Variants in CDH12 observed in about 807,000 individuals in gnomAD.
The protein encoded by CDH12 is cadherin 12.
Under a neutral mutation model 74.1 loss-of-function variants are expected in CDH12, and 41 were observed. That is an observed-to-expected ratio of 0.55 (90% CI 0.43 to 0.72). The LOEUF is 0.72. Ranked by LOEUF, CDH12 falls within the 30% of genes least tolerant of loss-of-function variation. CDH12 has a pLI of 0.00. For synonymous variants in CDH12, 399 were observed against 355.0 expected, an observed-to-expected ratio of 1.12 and a Z score of -1.39; for missense variants, 945 against 977.2, an observed-to-expected ratio of 0.97 and a Z score of 0.44.
intron 3 of CDH12, among the ~76,000 whole-genome samples, chr5:22,238,803 A>T (rs537404337): frequency 1.3e-5 from 2 of 152,340 alleles, no homozygotes; most frequent in South Asian, 4.1e-4. Context: ...AATCACATGT[A>T]TATGGCCATC....
intron 1 of CDH12, among the ~76,000 whole-genome samples, chr5:22,551,847 C>A (rs1738587870): frequency 6.6e-6 from 1 of 152,076 alleles, no homozygotes; most frequent in Non-Finnish European, 1.5e-5. Context: ...AAAATTATAA[C>A]AACAAAAACA....
chr5:22,084,677 A>C (rs1336764451), intron 4 of CDH12, among the ~76,000 whole-genome samples: 1 of 152,132 alleles, frequency 6.6e-6, no homozygotes, highest in Non-Finnish European at 1.5e-5. Flanking sequence ...AGATGAACCA[A>C]TGTTATTTTC....
At chr5:22,392,733 A>G (rs543417720) in intron 3 of CDH12, among the ~76,000 whole-genome samples, 1 of 152,320 alleles carries the variant, frequency 6.6e-6, no homozygotes, top group Non-Finnish European at 1.5e-5. Flanking sequence ...GGAAAGTACA[A>G]AGCAGAGTTA....
chr5:22,496,518 C>T (rs1747109421), intron 2 of CDH12, among the ~76,000 whole-genome samples: 2 of 152,264 alleles, frequency 1.3e-5, no homozygotes, highest in Non-Finnish European at 2.9e-5. Flanking sequence ...TAAAATAGCA[C>T]AAAAATTCCA....
intron 3 of CDH12, among the ~76,000 whole-genome samples, chr5:22,335,883 C>A (rs189285204): frequency 6.6e-6 from 1 of 152,260 alleles, no homozygotes; most frequent in East Asian, 1.9e-4. Flanking sequence ...CACTTTGGAA[C>A]TGGGTAACAG....
At chr5:21,877,761 C>T (rs1203702620) in intron 6 of CDH12, among the ~76,000 whole-genome samples, 2 of 152,164 alleles carry the variant, frequency 1.3e-5, no homozygotes, top group African/African-American at 4.8e-5. Context: ...CAATTATTAG[C>T]ATTTTGGCAA....
chr5:22,397,529 T>C (rs1213668165), intron 3 of CDH12, among the ~76,000 whole-genome samples: 1 of 151,626 alleles, frequency 6.6e-6, no homozygotes, highest in Admixed American at 6.6e-5. Flanking sequence ...TTAATGGAAG[T>C]TGTCCAGCAG....
intron 6 of CDH12, among the ~76,000 whole-genome samples, chr5:21,893,242 ACTATTTAGTCT>A (rs1406058101): frequency 6.6e-6 from 1 of 151,256 alleles, no homozygotes; most frequent in Non-Finnish European, 1.5e-5. Flanking sequence ...GTTTGCAGCA[ACTATTTAGTCT>A]AAGTTGTGGT....
Position 22,558,346 on chromosome 5 carries a change from G to T in CDH12, c.-522-52982C>A, listed in dbSNP as rs369118313. On this transcript the variant is annotated intron_variant, in intron 1 of 14. Transcript: ENST00000382254. ...GGAAACCTAACACTTCCTGCCAAAA[G>T]GAAGAAGAGGTTGTTGGGTGGTTTG... is the stretch of plus-strand genomic sequence containing the variant. 2.7e-4 allele frequency among the ~76,000 whole-genome samples: 41 copies of T among 152,178 alleles called. No individual in the cohort carries two copies. In the East Asian group the frequency reaches 7.5e-3, roughly 28 times the overall value.
At chr5:22,034,655 A>G (rs567507536) in intron 5 of CDH12, among the ~76,000 whole-genome samples, 1 of 152,210 alleles carries the variant, frequency 6.6e-6, no homozygotes, top group Non-Finnish European at 1.5e-5. Context: ...TGGTGAACAA[A>G]AAGTAAATCT....
intron 1 of CDH12, among the ~76,000 whole-genome samples, chr5:22,609,540 G>C (rs1737289636): frequency 1.3e-5 from 2 of 152,208 alleles, no homozygotes; most frequent in Admixed American, 1.3e-4. Flanking sequence ...CTGCAAAATT[G>C]TTCATGTGTA....
intron 6 of CDH12, among the ~76,000 whole-genome samples, chr5:21,918,214 T>C (rs1754189413): frequency 1.3e-5 from 2 of 152,162 alleles, no homozygotes. Flanking sequence ...TGTTACTTTA[T>C]TATTAATCAC....
chr5:22,802,121 T>TTC (rs1310502242), intron 1 of CDH12, among the ~76,000 whole-genome samples: 7 of 119,478 alleles, frequency 5.9e-5, no homozygotes, highest in Non-Finnish European at 1.2e-4. Flanking sequence ...AAATTCGTAT[T>TTC]TTTTTTTTTT....
At chr5:21,843,518 C>CTTTTT (rs5866528) in intron 7 of CDH12, among the ~76,000 whole-genome samples, 1 of 145,086 alleles carries the variant, frequency 6.9e-6, no homozygotes, top group Non-Finnish European at 1.5e-5. Flanking sequence ...TGTACTGACA[C>CTTTTT]TTTTTTTTTT....
intron 7 of CDH12, among the ~76,000 whole-genome samples, chr5:21,845,937 G>A (rs1186844024): frequency 6.6e-6 from 1 of 152,102 alleles, no homozygotes; most frequent in East Asian, 1.9e-4. Context: ...AGATAAGCAA[G>A]CTGGAAGCTT....
intron 3 of CDH12, among the ~76,000 whole-genome samples, chr5:22,285,298 C>T (rs1737085864): frequency 6.6e-6 from 1 of 151,956 alleles, no homozygotes; most frequent in South Asian, 2.1e-4. Context: ...CAACTTTCTC[C>T]AAGACATAAA....
intron 6 of CDH12, among the ~76,000 whole-genome samples, chr5:21,868,787 A>G (rs1333254451): frequency 6.6e-6 from 1 of 152,196 alleles, no homozygotes; most frequent in Non-Finnish European, 1.5e-5. Context: ...TATCTGGTTT[A>G]GATGGAATTT....
chr5:22,112,160 A>G (rs1305626686), intron 4 of CDH12, among the ~76,000 whole-genome samples: 2 of 151,718 alleles, frequency 1.3e-5, no homozygotes, highest in Non-Finnish European at 2.9e-5. Flanking sequence ...TTTGTAATTG[A>G]AAAAAAACAC....
chr5:21,971,698 A>G (rs1209304963), intron 6 of CDH12, among the ~76,000 whole-genome samples: 2 of 152,196 alleles, frequency 1.3e-5, no homozygotes, highest in South Asian at 2.1e-4. Context: ...TAAAGAGGGT[A>G]CATTCCTATA....
Sources: gnomAD v4.1 joint callset for allele counts (sites outside exome capture counted in the v4.1 genomes callset) on GRCh38, gnomAD v4.1.1 for gene constraint, MANE v1.5 for transcripts, NCBI Gene and HGNC (gene_info 2026-07-23, HGNC 2026-07-21) for gene names.